MRPL45: variants seen among roughly 807,000 people sequenced by gnomAD.
The protein encoded by MRPL45 is mitochondrial ribosomal protein L45.
Under a neutral mutation model 38.1 loss-of-function variants are expected in MRPL45, and 20 were observed. The ratio of observed to expected loss-of-function variants is 0.53; its 90% CI spans 0.37 to 0.76. MRPL45 has a LOEUF of 0.76. Among genes scored for constraint, MRPL45 ranks in the 30% least tolerant of loss-of-function variants. The pLI, the probability that MRPL45 is intolerant of heterozygous loss-of-function variation, is 0.00. For missense variants in MRPL45, 337 were observed against 395.6 expected, an observed-to-expected ratio of 0.85 and a Z score of 1.26; for synonymous variants, 105 against 128.8, an observed-to-expected ratio of 0.82 and a Z score of 1.25.
chr17:38,299,882 A>T (rs2036975021), intron 3 of MRPL45, among the ~76,000 whole-genome samples: 1 of 149,440 alleles, frequency 6.7e-6, no homozygotes, highest in African/African-American at 2.5e-5. Context: ...GATTACAGGC[A>T]TGTGCCACCA....
intron 3 of MRPL45, among the ~76,000 whole-genome samples, chr17:38,302,984 C>T (rs1567713211): frequency 6.6e-6 from 1 of 151,058 alleles, no homozygotes; most frequent in Non-Finnish European, 1.5e-5. Context: ...TCCCAAAGTG[C>T]TGGCATTACA....
chr17:38,302,816 C>T (rs2037012292), intron 3 of MRPL45, among the ~76,000 whole-genome samples: 1 of 149,846 alleles, frequency 6.7e-6, no homozygotes, highest in African/African-American at 2.5e-5. Context: ...CCTCTGCCTC[C>T]CAGGTTCAAG....
chr17:38,313,333 C>CGTATATATATATATACATACGT (rs1230995888), intron 4 of MRPL45, among the ~76,000 whole-genome samples: 19 of 17,258 alleles, frequency 1.1e-3, no homozygotes, highest in African/African-American at 4.1e-3. Context: ...TATATATATA[C>CGTATATATATATATACATACGT]ATATATATAT....
chr17:38,305,435 C>T (rs1437428801), intron 3 of MRPL45, among the ~76,000 whole-genome samples: 1 of 146,514 alleles, frequency 6.8e-6, no homozygotes, highest in Non-Finnish European at 1.5e-5. Context: ...CCACTGTACT[C>T]CAGCCTGTGC....
intron 4 of MRPL45, 134 bp downstream of exon 4, chr17:38,306,765 A>G (rs537238081): frequency 1.2e-4 from 101 of 851,450 alleles, no homozygotes; most frequent in Non-Finnish European, 1.7e-4. Flanking sequence ...CTAGAGTGAG[A>G]GAACTTCCTA....
chr17:38,305,449 G>C (rs2037042993), intron 3 of MRPL45, among the ~76,000 whole-genome samples: 1 of 146,608 alleles, frequency 6.8e-6, no homozygotes. Flanking sequence ...CCTGTGCGAC[G>C]GAGTGCGAGA....
At chr17:38,319,002 TTTA>T (rs2037203926) in intron 5 of MRPL45, among the ~76,000 whole-genome samples, 23 of 53,290 alleles carry the variant, frequency 4.3e-4, no homozygotes, top group East Asian at 3.8e-3. Flanking sequence ...TAATTTTTTA[TTTA>T]TTTATTTATT....
intron 4 of MRPL45, among the ~76,000 whole-genome samples, chr17:38,318,281 A>AT (rs2037194929): frequency 6.6e-6 from 1 of 150,790 alleles, no homozygotes; most frequent in African/African-American, 2.4e-5. Context: ...GCAAGAGGAG[A>AT]TAAAACAAGC....
chr17:38,313,335 T>TGAGAG, intron 4 of MRPL45, among the ~76,000 whole-genome samples: 1 of 18,526 alleles, frequency 5.4e-5, no homozygotes, highest in Middle Eastern at 0.033. Context: ...TATATATACA[T>TGAGAG]ATATATATAT....
At chr17:38,310,985 A>G (rs1416411978) in intron 4 of MRPL45, among the ~76,000 whole-genome samples, 1 of 152,140 alleles carries the variant, frequency 6.6e-6, no homozygotes, top group Non-Finnish European at 1.5e-5. Context: ...AAATTATAAG[A>G]TTAATAATAG....
At chr17:38,319,838 C>A (rs1360226662) in intron 5 of MRPL45, among the ~76,000 whole-genome samples, 1 of 152,136 alleles carries the variant, frequency 6.6e-6, no homozygotes, top group Non-Finnish European at 1.5e-5. Flanking sequence ...TGCGGTGGCT[C>A]ACGCCTGTAA....
In MRPL45 at chr17:38,322,111, CT is replaced by C; in HGVS notation, c.661-11del. The C allele has an allele frequency of 6.2e-7, 1 of 1,610,932 alleles. No homozygotes were observed. Among genetic ancestry groups the C allele is most frequent in the South Asian group, 1.1e-5 (1 of 90,924 alleles). On this transcript the variant is annotated splice_polypyrimidine_tract_variant and intron_variant, in intron 6 of 7. Transcript: ENST00000613675. ...CAAAAAAACTAAGAGGCCAGATTTGCTTTTATCCTTGCAGACTCTGGCCATC... is the reference window on the plus strand; with the variant it reads ...CAAAAAAACTAAGAGGCCAGATTTGCTTTATCCTTGCAGACTCTGGCCATC...
intron 4 of MRPL45, among the ~76,000 whole-genome samples, chr17:38,313,632 A>G (rs1304932560): frequency 6.7e-6 from 1 of 148,768 alleles, no homozygotes; most frequent in Non-Finnish European, 1.5e-5. Flanking sequence ...TTCATGTGCT[A>G]TTGGCCTTTT....
intron 4 of MRPL45, among the ~76,000 whole-genome samples, chr17:38,310,961 A>G (rs2037106108): frequency 6.6e-6 from 1 of 152,082 alleles, no homozygotes; most frequent in African/African-American, 2.4e-5. Context: ...ATCTAAGACA[A>G]TCATTTATTT....
intron 5 of MRPL45, among the ~76,000 whole-genome samples, chr17:38,318,994 ATTTTTTATTTATTTATTTATTTAT>A (rs1287602322): frequency 1.4e-5 from 2 of 140,138 alleles, no homozygotes; most frequent in African/African-American, 5.3e-5. Context: ...TGCCCAGCTA[ATTTTTTATTTATTTATTTATTTAT>A]TTATTTATTT....
chr17:38,302,921 C>T (rs1249320986), intron 3 of MRPL45, among the ~76,000 whole-genome samples: 1 of 150,428 alleles, frequency 6.6e-6, no homozygotes, highest in Non-Finnish European at 1.5e-5. Context: ...GACAGGGTTT[C>T]ACCATGTTAG....
chr17:38,319,063 T>C (rs1050975302), intron 5 of MRPL45, among the ~76,000 whole-genome samples: 14 of 150,504 alleles, frequency 9.3e-5, no homozygotes, highest in African/African-American at 3.2e-4. Context: ...TGAGATGGAG[T>C]CTCGCTCTGT....
At position 38,305,519 on chromosome 17, in the gene MRPL45, T is replaced by C. The variant is rs1354614247; in HGVS notation, c.363-1014T>C. ...GTTATTCTGACTCTTTTTTTTGAGA[T>C]GGAGTCTCGCTCTGTTTCCCAGGCT... On this transcript the variant is annotated intron_variant, in intron 3 of 7. Coordinates refer to ENST00000613675, the MANE Select transcript of MRPL45 (RefSeq NM_032351.6). 4.7e-5 allele frequency among the ~76,000 whole-genome samples: 7 copies of C among 150,084 alleles called. No homozygotes were observed. The South Asian group carries it at 1.1e-3, about 23-fold the overall frequency.
Position 38,306,601 on chromosome 17 carries a change from T to A in MRPL45, c.431T>A (p.Ile144Asn). Residue 144 changes from isoleucine to asparagine, a missense_variant, in exon 4 of 8, where the codon ATC (isoleucine) becomes AAC (asparagine). Around this residue, in one of 3 missense-constraint regions of MRPL45, gnomAD observed 251 missense variants for 269.1 expected, o/e 0.93. Transcript: ENST00000613675. ...IKDFPEKAKD[I>N]FIEAHLCLNN... ...GACTTCCCTGAAAAAGCTAAGGATA[T>A]CTTTATTGAAGCTCACCTTTGTCTA... 1 of 1,613,366 alleles carries A rather than the reference T, an allele frequency of 6.2e-7. No individual in the cohort carries two copies. The highest frequency in any genetic ancestry group is 8.5e-7 in the Non-Finnish European group (1 of 1,179,780).
Sources: allele counts gnomAD v4.1 joint callset (sites outside exome capture counted in the v4.1 genomes callset), GRCh38; gene constraint gnomAD v4.1.1; regional missense constraint gnomAD v4.1.1; transcripts MANE v1.5; gene names NCBI Gene and HGNC (gene_info 2026-07-23, HGNC 2026-07-21).